The following TPR variants were observed in gnomAD, a reference collection of about 807,000 sequenced individuals.
TPR encodes translocated promoter region, nuclear basket protein, also known as nucleoprotein TPR.
TPR carries 51 observed loss-of-function variants against 316.1 expected under a neutral mutation model. The observed-to-expected ratio is 0.16, with a 90% CI of 0.13 to 0.20. The LOEUF is 0.20. TPR is among the 10% of genes least tolerant of loss of function. The pLI is 1.00. For synonymous variants in TPR, 981 were observed against 914.7 expected (o/e 1.07, Z -1.31); for missense variants, 2,272 against 2,754.8 (o/e 0.82, Z 3.92).
At chr1:186,331,827 T>C (rs1011261283) in intron 38 of TPR, among the ~76,000 whole-genome samples, 1 of 152,132 alleles carries the variant, frequency 6.6e-6, no homozygotes, top group African/African-American at 2.4e-5. Flanking sequence ...ATTTGAAACC[T>C]GCTTCATTAC....
intron 3 of TPR, 146 bp downstream of exon 3, chr1:186,370,824 T>C (rs771617788): frequency 3.5e-5 from 21 of 595,296 alleles, no homozygotes; most frequent in Middle Eastern, 4.5e-4. Flanking sequence ...TTAAGGAATT[T>C]ATATTTACAT....
chr1:186,352,139 A>G (rs771601849), intron 18 of TPR, 29 bp from the exon 19 acceptor site: 91 of 1,568,126 alleles, frequency 5.8e-5, no homozygotes, highest in South Asian at 4.8e-5. Flanking sequence ...GAAATAAAAA[A>G]TGCTGAAAAA....
chr1:186,325,565 G>T (rs555458352), intron 42 of TPR, 199 bp downstream of exon 42: 11 of 448,692 alleles, frequency 2.5e-5, no homozygotes, highest in African/African-American at 1.8e-4. Flanking sequence ...CAATGAGGCA[G>T]AAAAGAGTAT....
chr1:186,318,694 C>T (rs2102049935), intron 47 of TPR, 39 bp downstream of exon 47: 2 of 1,610,092 alleles, frequency 1.2e-6, no homozygotes, highest in South Asian at 1.1e-5. Context: ...TTTCATTTTA[C>T]CAATAAAACA....
rs766760384 is a variant in TPR at position 186,351,418 on chromosome 1, A to G, written c.2522T>C (p.Ile841Thr). 37 of 1,612,244 alleles carry G rather than the reference A, an allele frequency of 2.3e-5. No individual in the cohort carries two copies. The East Asian group carries it at 8.0e-4, about 35-fold the overall frequency. ...AGAGATCTCATGTTCCAGTTTTTCT[A>G]TCTGGCTACTAAGCCTTTGTTTGGT... ...TETKQRLSSQ[I>T]EKLEHEISHL... The change falls in exon 20 of 51, where the codon ATA (isoleucine) becomes ACA (threonine). Residue 841 changes from isoleucine (I) to threonine (T), a missense_variant. Around this residue, in one of 10 missense-constraint regions of TPR, gnomAD observed 757 missense variants for 859.8 expected, o/e 0.88. Transcript: ENST00000367478.
chr1:186,315,927 T>C (rs1346469752), intron 49 of TPR, among the ~76,000 whole-genome samples: 2 of 149,326 alleles, frequency 1.3e-5, no homozygotes, highest in African/African-American at 5.0e-5. Flanking sequence ...TTCTTTCAGC[T>C]CTTAAATGTC....
chr1:186,373,092 A>C (rs1320929646), intron 2 of TPR, among the ~76,000 whole-genome samples: 1 of 152,150 alleles, frequency 6.6e-6, no homozygotes, highest in Non-Finnish European at 1.5e-5. Flanking sequence ...TATAAACAAT[A>C]ATCAGATACT....
At chr1:186,327,927 C>T (rs1571606303) in intron 39 of TPR, among the ~76,000 whole-genome samples, 1 of 152,052 alleles carries the variant, frequency 6.6e-6, no homozygotes, top group East Asian at 1.9e-4. Flanking sequence ...GGACTATAGG[C>T]ACCACCCCAC....
At chr1:186,328,728 A>G (rs1380324472) in intron 39 of TPR, among the ~76,000 whole-genome samples, 1 of 152,182 alleles carries the variant, frequency 6.6e-6, no homozygotes, top group Non-Finnish European at 1.5e-5. Flanking sequence ...TCCCTCCTCA[A>G]AATTCCAATT....
intron 21 of TPR, among the ~76,000 whole-genome samples, chr1:186,348,183 T>C (rs973417365): frequency 4.6e-5 from 7 of 152,122 alleles, no homozygotes; most frequent in African/African-American, 1.7e-4. Context: ...AGGAGAGATA[T>C]CGCTAAATTC....
intron 4 of TPR, among the ~76,000 whole-genome samples, 198 bp downstream of exon 4, chr1:186,367,688 G>A (rs371814913): frequency 6.6e-6 from 1 of 152,132 alleles, no homozygotes; most frequent in Admixed American, 6.5e-5. Context: ...CTTCACTTGT[G>A]CACTTTCTAG....
chr1:186,333,542 A>C, intron 36 of TPR, 148 bp from the exon 37 acceptor site: 1 of 896,884 alleles, frequency 1.1e-6, no homozygotes, highest in Non-Finnish European at 1.6e-6. Context: ...TGTATTATGC[A>C]TTTTTATATT....
chr1:186,355,252 T>C (rs1658988977), intron 17 of TPR, among the ~76,000 whole-genome samples, 158 bp downstream of exon 17: 1 of 152,100 alleles, frequency 6.6e-6, no homozygotes. Flanking sequence ...AGAGAATCAT[T>C]AATCAATATG....
intron 40 of TPR, 75 bp downstream of exon 40, chr1:186,327,385 G>T: frequency 1.4e-6 from 2 of 1,383,332 alleles, no homozygotes; most frequent in African/African-American, 1.5e-5. Flanking sequence ...TACAGCCAAT[G>T]CATTAGTATC....
chr1:186,350,603 G>C (rs1338290212), intron 20 of TPR, among the ~76,000 whole-genome samples: 3 of 152,066 alleles, frequency 2.0e-5, no homozygotes, highest in Non-Finnish European at 4.4e-5. Flanking sequence ...GATTGCCTTA[G>C]TTTACTGATT....
intron 25 of TPR, 138 bp downstream of exon 25, chr1:186,344,236 AT>A (rs1658607901): frequency 7.4e-7 from 1 of 1,348,552 alleles, no homozygotes; most frequent in South Asian, 1.4e-5. Context: ...GCAGGTGGAG[AT>A]TGCAGTGACC....
chr1:186,333,464 C>A, intron 36 of TPR, 70 bp from the exon 37 acceptor site: 1 of 1,559,056 alleles, frequency 6.4e-7, no homozygotes, highest in Non-Finnish European at 8.7e-7. Context: ...CCTTCCTATT[C>A]TGTGGTACAT....
In TPR at chr1:186,360,004, T is replaced by C. The variant is rs538171464; in HGVS notation, c.1192-8A>G. ...CACATAAGCATTATAGAGCTGAAAGTAGACAAAGGGTTGTTTCAAATCTAA... is the reference window on the plus strand; with the variant it reads ...CACATAAGCATTATAGAGCTGAAAGCAGACAAAGGGTTGTTTCAAATCTAA... On this transcript the variant is annotated splice_polypyrimidine_tract_variant and splice_region_variant and intron_variant, in intron 11 of 50. Transcript: ENST00000367478. 66 of 1,602,552 alleles carry C rather than the reference T, an allele frequency of 4.1e-5. 2 individuals are homozygous for C. Among genetic ancestry groups the C allele is most frequent in the South Asian group, 2.9e-4 (26 of 88,414 alleles).
intron 48 of TPR, 109 bp from the exon 49 acceptor site, chr1:186,317,709 A>T (rs1345656765): frequency 5.1e-6 from 5 of 980,216 alleles, no homozygotes; most frequent in African/African-American, 1.7e-5. Context: ...GAGCTCCCTT[A>T]AACAAAAAAT....
Sources: allele counts gnomAD v4.1 joint callset (sites outside exome capture counted in the v4.1 genomes callset), GRCh38; gene constraint gnomAD v4.1.1; regional missense constraint gnomAD v4.1.1; transcripts MANE v1.5; gene names NCBI Gene and HGNC (gene_info 2026-07-23, HGNC 2026-07-21).